Variants in HTRA3 observed in about 807,000 individuals in gnomAD.
HTRA3 encodes the protein serine protease HTRA3.
Under a neutral mutation model 43.2 loss-of-function variants are expected in HTRA3, and 41 were observed. The ratio of observed to expected loss-of-function variants is 0.95; its 90% CI spans 0.74 to 1.23. The LOEUF (loss-of-function observed/expected upper bound fraction) is 1.23. Ranked by LOEUF, HTRA3 falls within the 50% of genes most tolerant of loss-of-function variation. The pLI, the probability that HTRA3 is intolerant of heterozygous loss-of-function variation, is 0.00. For missense variants in HTRA3, 628 were observed against 647.1 expected (o/e 0.97, Z 0.32); for synonymous variants, 295 against 287.9 (o/e 1.02, Z -0.25).
intron 1 of HTRA3, among the ~76,000 whole-genome samples, chr4:8,272,898 C>T (rs1425778959): frequency 1.3e-5 from 2 of 152,196 alleles, no homozygotes; most frequent in African/African-American, 2.4e-5. Flanking sequence ...ACACTGTGGG[C>T]GGTGTGCAGC....
At chr4:8,300,568 G>A (rs1258650818) in intron 6 of HTRA3, among the ~76,000 whole-genome samples, 1 of 152,168 alleles carries the variant, frequency 6.6e-6, no homozygotes, top group Non-Finnish European at 1.5e-5. Flanking sequence ...TGTAGAATCT[G>A]TAGTGATGTC....
chr4:8,301,037 T>C (rs1328573400), intron 6 of HTRA3, among the ~76,000 whole-genome samples: 3 of 151,312 alleles, frequency 2.0e-5, no homozygotes, highest in Non-Finnish European at 4.4e-5. Context: ...TATTATTGAT[T>C]CACACTCTCA....
chr4:8,297,840 C>G lies in HTRA3; in HGVS notation c.1051+3639C>G, dbSNP rs73801722. 0.046 allele frequency among the ~76,000 whole-genome samples: 7,069 copies of G among 152,160 alleles called. 568 individuals are homozygous for G. The highest frequency in any genetic ancestry group is 0.16 in the African/African-American group (6,736 of 41,462). On this transcript the variant is annotated intron_variant, in intron 6 of 8. Coordinates refer to ENST00000307358, the MANE Select transcript of HTRA3 (RefSeq NM_053044.5). The surrounding 1 kb of genome is among the most constrained non-coding windows in gnomAD (Gnocchi z 5.8). ...GACGCGCAGCTGCTTGTGGGATGGA[C>G]CCACCAATGTCCACAGGCAGTTCCC...
chr4:8,302,625 C>A, intron 7 of HTRA3, 114 bp downstream of exon 7: 1 of 948,510 alleles, frequency 1.1e-6, no homozygotes, highest in Non-Finnish European at 1.7e-6. Flanking sequence ...CCCAGACGGG[C>A]CGATGCACTC....
At chr4:8,302,175 G>A (rs2153007252) in intron 6 of HTRA3, among the ~76,000 whole-genome samples, 1 of 152,330 alleles carries the variant, frequency 6.6e-6, no homozygotes, top group East Asian at 1.9e-4. Flanking sequence ...TTGGAGCTCA[G>A]CTGGGAGAGC....
chr4:8,301,001 C>G (rs958946339), intron 6 of HTRA3, among the ~76,000 whole-genome samples: 3 of 151,440 alleles, frequency 2.0e-5, no homozygotes, highest in African/African-American at 7.3e-5. Context: ...GATTCACACT[C>G]ATCTTTATTG....
intron 2 of HTRA3, among the ~76,000 whole-genome samples, chr4:8,284,961 A>G (rs893379421): frequency 6.6e-6 from 1 of 152,170 alleles, no homozygotes; most frequent in Non-Finnish European, 1.5e-5. Flanking sequence ...GTCCTAATCA[A>G]GGTGTCAAGG....
chr4:8,282,590 G>A (rs2153004765), intron 2 of HTRA3, 54 bp downstream of exon 2: 7 of 1,372,322 alleles, frequency 5.1e-6, no homozygotes, highest in East Asian at 4.8e-5. Flanking sequence ...TGGTACACCC[G>A]CCAGCTGCTG....
At chr4:8,292,221 T>C (rs992713941) in intron 4 of HTRA3, 100 bp from the exon 5 acceptor site, 1 of 995,414 alleles carries the variant, frequency 1.0e-6, no homozygotes, top group African/African-American at 1.6e-5. Context: ...TGAGACCTGC[T>C]TATGTGTCTC....
At chr4:8,287,099 AC>A (rs1203359521) in intron 3 of HTRA3, among the ~76,000 whole-genome samples, 5 of 152,160 alleles carry the variant, frequency 3.3e-5, no homozygotes, top group African/African-American at 1.2e-4. Context: ...ACCTGGGCCC[AC>A]TACTGGGGAT....
intron 3 of HTRA3, among the ~76,000 whole-genome samples, chr4:8,289,255 A>C (rs913176523): frequency 6.6e-5 from 10 of 151,938 alleles, no homozygotes; most frequent in Non-Finnish European, 1.5e-4. Context: ...CAGCCAACAA[A>C]TTTTCCATGA....
intron 3 of HTRA3, among the ~76,000 whole-genome samples, chr4:8,289,531 G>A (rs1320469191): frequency 6.6e-6 from 1 of 152,238 alleles, no homozygotes; most frequent in African/African-American, 2.4e-5. Flanking sequence ...AATGCTGGCA[G>A]GACTGGTGGG....
intron 6 of HTRA3, among the ~76,000 whole-genome samples, chr4:8,298,792 C>T (rs74835351): frequency 0.011 from 1,713 of 152,252 alleles, 26 homozygotes; most frequent in African/African-American, 0.038. Flanking sequence ...GCCTTCGCAC[C>T]GTTGTCCAAA....
At chr4:8,275,353 T>C (rs913442462) in intron 1 of HTRA3, among the ~76,000 whole-genome samples, 2 of 152,300 alleles carry the variant, frequency 1.3e-5, no homozygotes, top group African/African-American at 4.8e-5. Flanking sequence ...AGCTGGGCCA[T>C]GGCTCCCACG....
intron 1 of HTRA3, among the ~76,000 whole-genome samples, chr4:8,272,101 C>T (rs1712304550): frequency 6.6e-6 from 1 of 152,270 alleles, no homozygotes; most frequent in African/African-American, 2.4e-5. Context: ...ACCTCCCCAC[C>T]CCGCTCCCCA....
At chr4:8,292,007 C>T (rs1324022879) in intron 4 of HTRA3, among the ~76,000 whole-genome samples, 1 of 152,202 alleles carries the variant, frequency 6.6e-6, no homozygotes, top group East Asian at 1.9e-4. Flanking sequence ...GTAGAGGGCC[C>T]CCCCAGGCCA....
chr4:8,305,440 C>T (rs1277420481), intron 8 of HTRA3, among the ~76,000 whole-genome samples: 4 of 152,240 alleles, frequency 2.6e-5, no homozygotes, highest in Non-Finnish European at 4.4e-5. Flanking sequence ...GTTACTCTTC[C>T]AGGTCACACA....
Position 8,295,910 on chromosome 4 carries a change from G to A in HTRA3, c.1051+1709G>A, listed in dbSNP as rs1440124233. ...CCAGGCAGAGCCTGTCTTTCCCAAA[G>A]AAGCTGAAGTCTTCTTCTCTTGAAC... On this transcript the variant is annotated intron_variant, in intron 6 of 8. Coordinates refer to ENST00000307358, the MANE Select transcript of HTRA3 (RefSeq NM_053044.5). This position sits in a 1 kb window ranked among gnomAD's most constrained non-coding sequence, Gnocchi z 6.9. 3.2e-6 allele frequency: 4 copies of A among 1,232,304 alleles called. No individual in the cohort carries two copies. The highest frequency in any genetic ancestry group is 8.5e-5 in the Admixed American group (2 of 23,648). The allele number at this position is 1,232,304 out of a possible 1,614,324, so 76.3% of individuals were successfully genotyped here.
At chr4:8,277,725 C>T (rs1347431274) in intron 1 of HTRA3, among the ~76,000 whole-genome samples, 1 of 152,180 alleles carries the variant, frequency 6.6e-6, no homozygotes, top group African/African-American at 2.4e-5. Flanking sequence ...ACCAGGACAC[C>T]CCAGGCCTTG....
Sources: allele counts gnomAD v4.1 joint callset (sites outside exome capture counted in the v4.1 genomes callset), GRCh38; gene constraint gnomAD v4.1.1; non-coding constraint Gnocchi (gnomAD v3.1); transcripts MANE v1.5; gene names NCBI Gene and HGNC (gene_info 2026-07-23, HGNC 2026-07-21).